The following ABL1 variants were observed in gnomAD, a reference collection of about 807,000 sequenced individuals.
ABL1 encodes the protein ABL proto-oncogene 1, non-receptor tyrosine kinase.
Under a neutral mutation model 94.7 loss-of-function variants are expected in ABL1, and 11 were observed. That is an observed-to-expected ratio of 0.12 (90% CI 0.07 to 0.19). The LOEUF (loss-of-function observed/expected upper bound fraction) is 0.19, where lower values mean the gene tolerates loss of function less well. Ranked by LOEUF, ABL1 falls within the 10% of genes least tolerant of loss-of-function variation. The probability of loss-of-function intolerance (pLI) is 1.00; values close to 1 mark genes in which losing one functional copy is unlikely to be tolerated. For synonymous variants in ABL1, 656 were observed against 622.4 expected (o/e 1.05, Z -0.80); for missense variants, 1,082 against 1,489.4 (o/e 0.73, Z 4.50).
intron 1 of ABL1, among the ~76,000 whole-genome samples, chr9:130,776,590 A>T (rs1311119887): frequency 1.4e-5 from 2 of 144,038 alleles, no homozygotes; most frequent in Non-Finnish European, 1.5e-5. Flanking sequence ...AAAAAAAAAA[A>T]GCAGCAGCTG....
At chr9:130,740,578 C>T (rs931889656) in intron 1 of ABL1, among the ~76,000 whole-genome samples, 6 of 152,178 alleles carry the variant, frequency 3.9e-5, no homozygotes, top group African/African-American at 7.2e-5. Context: ...TTCTATTAGA[C>T]GTATGTTTAT....
chr9:130,880,692 C>G lies in ABL1; in HGVS notation c.1678+28C>G, dbSNP rs1160328121. The G allele has an allele frequency of 6.2e-7, 1 of 1,608,760 alleles. No homozygotes were observed. Among genetic ancestry groups the G allele is most frequent in the Admixed American group, 1.7e-5 (1 of 59,544 alleles). ...AAGTCCCCCGCTTCCCCCAACCCCA[C>G]TGCTCTTCCCTTCCCTGCCAGAGGC... is the stretch of plus-strand genomic sequence containing the variant. On this transcript the variant is annotated intron_variant, in intron 10 of 10. Coordinates refer to ENST00000318560, the MANE Select transcript of ABL1 (RefSeq NM_005157.6). This position sits in a 1 kb window ranked among gnomAD's most constrained non-coding sequence, Gnocchi z 4.4.
intron 1 of ABL1, among the ~76,000 whole-genome samples, chr9:130,798,452 A>T (rs1830009595): frequency 6.6e-6 from 1 of 152,170 alleles, no homozygotes; most frequent in Non-Finnish European, 1.5e-5. Flanking sequence ...AGTTAATCTA[A>T]CTACTGAGAT....
chr9:130,852,905 G>C (rs559733042), intron 1 of ABL1, among the ~76,000 whole-genome samples: 1 of 151,974 alleles, frequency 6.6e-6, no homozygotes, highest in Non-Finnish European at 1.5e-5. Context: ...GAGGGTGGTC[G>C]TGGGGGCAAG....
At chr9:130,819,631 C>T (rs533345553) in intron 1 of ABL1, among the ~76,000 whole-genome samples, 3 of 149,890 alleles carry the variant, frequency 2.0e-5, no homozygotes, top group Admixed American at 6.7e-5. Flanking sequence ...CTCCGCCTCC[C>T]AGGTTCAAGC....
chr9:130,877,433 G>T (rs1477076071), intron 7 of ABL1, among the ~76,000 whole-genome samples: 1 of 148,098 alleles, frequency 6.8e-6, no homozygotes, highest in East Asian at 1.9e-4. Flanking sequence ...GAAAGCAGTG[G>T]TGGCCGGTTA....
intron 4 of ABL1, among the ~76,000 whole-genome samples, chr9:130,865,584 A>AAAAAATACC (rs1213662506): frequency 1.3e-5 from 2 of 152,038 alleles, no homozygotes; most frequent in African/African-American, 2.4e-5. Context: ...CTGCCTCTAC[A>AAAAAATACC]AAAAATACCA....
intron 1 of ABL1, among the ~76,000 whole-genome samples, chr9:130,816,374 A>G (rs537041559): frequency 4.0e-5 from 6 of 151,742 alleles, no homozygotes; most frequent in East Asian, 3.9e-4. Context: ...ATGTCTTGCT[A>G]TGTTGCCCAG....
At chr9:130,792,031 G>A (rs1217933243) in intron 1 of ABL1, among the ~76,000 whole-genome samples, 4 of 152,144 alleles carry the variant, frequency 2.6e-5, no homozygotes, top group Admixed American at 2.0e-4. Context: ...CCAGAGAGAT[G>A]CATTAACTTG....
intron 1 of ABL1, among the ~76,000 whole-genome samples, chr9:130,716,025 TACACAC>T (rs3076833): frequency 2.1e-5 from 3 of 144,872 alleles, no homozygotes; most frequent in African/African-American, 7.5e-5. Flanking sequence ...AATATATATA[TACACAC>T]ACACACACAC....
intron 1 of ABL1, among the ~76,000 whole-genome samples, chr9:130,733,951 C>T (rs142236023): frequency 6.7e-4 from 102 of 152,104 alleles, no homozygotes; most frequent in Non-Finnish European, 1.4e-3. Flanking sequence ...ACGCATTATT[C>T]CTTTCTTTCA....
At chr9:130,801,083 C>G (rs1444842505) in intron 1 of ABL1, among the ~76,000 whole-genome samples, 1 of 152,028 alleles carries the variant, frequency 6.6e-6, no homozygotes, top group Non-Finnish European at 1.5e-5. Flanking sequence ...GGGCCCGCCA[C>G]CACACCCAGC....
intron 7 of ABL1, 142 bp downstream of exon 7, chr9:130,875,194 T>C (rs1030772127): frequency 1.1e-6 from 1 of 901,746 alleles, no homozygotes; most frequent in Admixed American, 2.9e-5. Flanking sequence ...CAGGCTGGAG[T>C]GCAGTGGTGC....
intron 1 of ABL1, among the ~76,000 whole-genome samples, chr9:130,822,438 G>GT (rs1830374101): frequency 8.0e-6 from 1 of 125,590 alleles, no homozygotes; most frequent in Non-Finnish European, 1.6e-5. Flanking sequence ...CCCCGCCCCT[G>GT]CTTTTTTTTT....
upstream of ABL1, among the ~76,000 whole-genome samples, chr9:130,833,698 A>G (rs1830521439): frequency 6.6e-6 from 1 of 152,206 alleles, no homozygotes. Flanking sequence ...GGCAGGACAC[A>G]TGTGGAAAGT....
intron 1 of ABL1, among the ~76,000 whole-genome samples, chr9:130,762,961 A>G (rs995924321): frequency 2.6e-5 from 4 of 152,226 alleles, no homozygotes; most frequent in African/African-American, 2.4e-5. Flanking sequence ...CAGGAATGCA[A>G]ATGAGATCAT....
At chr9:130,725,047 T>A (rs574330597) in intron 1 of ABL1, 129 of 212,196 alleles carry the variant, frequency 6.1e-4, no homozygotes, top group African/African-American at 2.9e-3. Flanking sequence ...GTTCCCTTTG[T>A]CATCTCCCTT....
chr9:130,834,355 A>ATT (rs1325993707), upstream of ABL1, among the ~76,000 whole-genome samples: 1 of 152,030 alleles, frequency 6.6e-6, no homozygotes, highest in Non-Finnish European at 1.5e-5. Flanking sequence ...AACTTACCTG[A>ATT]TTTTATTGAA....
At chr9:130,776,707 C>G (rs1424303554) in intron 1 of ABL1, among the ~76,000 whole-genome samples, 1 of 152,008 alleles carries the variant, frequency 6.6e-6, no homozygotes, top group African/African-American at 2.4e-5. Context: ...CTAGTGTAGA[C>G]AAGCTACAGA....
Sources: allele counts gnomAD v4.1 joint callset (sites outside exome capture counted in the v4.1 genomes callset), GRCh38; gene constraint gnomAD v4.1.1; non-coding constraint Gnocchi (gnomAD v3.1); transcripts MANE v1.5; gene names NCBI Gene and HGNC (gene_info 2026-07-23, HGNC 2026-07-21).